Variants in ZNFX1 observed in about 807,000 individuals in gnomAD.
The protein encoded by ZNFX1 is NFX1-type zinc finger-containing protein 1.
ZNFX1 carries 78 observed loss-of-function variants against 179.8 expected under a neutral mutation model. The ratio of observed to expected loss-of-function variants is 0.43; its 90% CI spans 0.36 to 0.52. The LOEUF (loss-of-function observed/expected upper bound fraction) is 0.52. Ranked by LOEUF, ZNFX1 falls within the 20% of genes least tolerant of loss-of-function variation. The probability of loss-of-function intolerance (pLI) is 0.00; values close to 1 mark genes in which losing one functional copy is unlikely to be tolerated. For missense variants in ZNFX1, 1,927 were observed against 2,386.6 expected, an observed-to-expected ratio of 0.81 and a Z score of 4.01; for synonymous variants, 848 against 868.5, an observed-to-expected ratio of 0.98 and a Z score of 0.42.
chr20:49,258,642 C>T (rs942971361), intron 7 of ZNFX1, among the ~76,000 whole-genome samples: 1 of 150,948 alleles, frequency 6.6e-6, no homozygotes, highest in African/African-American at 2.4e-5. Flanking sequence ...TCTGTCTTTA[C>T]TAAAAATACA....
intron 3 of ZNFX1, among the ~76,000 whole-genome samples, chr20:49,267,644 A>T (rs563000472): frequency 6.6e-6 from 1 of 152,280 alleles, no homozygotes; most frequent in African/African-American, 2.4e-5. Flanking sequence ...AATAATAGTT[A>T]TGACCCCAGA....
rs755900138 is a variant in ZNFX1, at chr20:49,271,290, A to G, written c.522T>C (p.Leu174=). Residue 174 remains leucine (L), a synonymous_variant, in exon 3 of 14, where the codon CTT becomes CTC. Transcript: ENST00000396105. Reference sequence around the variant, plus strand: ...AGTTAGATTTCATGGAAGAATGAGAAAGGAGCTCTTTCAGCCCTAAACTTG... The same window carrying G: ...AGTTAGATTTCATGGAAGAATGAGAGAGGAGCTCTTTCAGCCCTAAACTTG... ...LATSLGLKEL[L]SHSSMKSNFL... is the part of the protein sequence containing the mutation. 1.9e-6 allele frequency: 3 copies of G among 1,614,194 alleles called. No homozygotes were observed. In the Admixed American group the frequency reaches 5.0e-5, roughly 27 times the overall value.
At chr20:49,251,884 C>T (rs1288985685) in intron 12 of ZNFX1, among the ~76,000 whole-genome samples, 1 of 148,740 alleles carries the variant, frequency 6.7e-6, no homozygotes, top group East Asian at 2.0e-4. Flanking sequence ...GGCTGGGGTG[C>T]AGTGGCGCAA....
intron 7 of ZNFX1, among the ~76,000 whole-genome samples, chr20:49,258,393 T>G (rs993884849): frequency 5.3e-5 from 8 of 152,124 alleles, no homozygotes; most frequent in East Asian, 1.9e-4. Context: ...CAGCCCTATG[T>G]GATTATTTTT....
Position 49,251,509 on chromosome 20 carries a change from C to A in ZNFX1, c.3312+18G>T. On this transcript the variant is annotated intron_variant, in intron 13 of 13. Transcript: ENST00000396105. ...GTTGCTGACACCATCCAAGAAAGAT[C>A]GGGTAAGACAGACTCACCTTAATCT... 1 of 1,599,482 alleles carries A rather than the reference C, an allele frequency of 6.3e-7. No individual in the cohort carries two copies. Among genetic ancestry groups the A allele is most frequent in the South Asian group, 1.1e-5 (1 of 89,736 alleles).
Position 49,271,768 on chromosome 20 carries a change from T to C in ZNFX1, c.62-18A>G, listed in dbSNP as rs372705515. 3.2e-5 allele frequency: 51 copies of C among 1,575,624 alleles called. No homozygotes were observed. The highest frequency in any genetic ancestry group is 2.0e-4 in the African/African-American group (15 of 73,296). On this transcript the variant is annotated intron_variant, in intron 2 of 13. Coordinates refer to ENST00000396105, the MANE Select transcript of ZNFX1 (RefSeq NM_021035.3). ...CACAGGGCCTAAACACAATGAAATA[T>C]TGAGTAACCACAAGAACCAAGTTCT...
At chr20:49,274,620 A>C (rs762431583) in intron 2 of ZNFX1, among the ~76,000 whole-genome samples, 1 of 152,100 alleles carries the variant, frequency 6.6e-6, no homozygotes, top group Admixed American at 6.5e-5. Flanking sequence ...TTAGCTGGGC[A>C]TGGTGGCAGG....
chr20:49,253,956 A>G, intron 10 of ZNFX1, 145 bp from the exon 11 acceptor site: 1 of 921,506 alleles, frequency 1.1e-6, no homozygotes. Flanking sequence ...GGTGGTCTCC[A>G]GAACATTAAA....
Position 49,270,939 on chromosome 20 carries a change from C to A in ZNFX1, c.873G>T (p.Thr291=), listed in dbSNP as rs150549436. ...TCTGTACCTTTTCCAGGTTCTTCTC[C>A]GTTTCCTCTTCTATGTCAACACCAG... ...RASGVDIEEE[T]EKNLEKVQTI... is the part of the protein sequence containing the mutation. Residue 291 remains threonine (T), a synonymous_variant, in exon 3 of 14, where the codon ACG becomes ACT. Coordinates refer to ENST00000396105, the MANE Select transcript of ZNFX1 (RefSeq NM_021035.3). This position sits in a 1 kb window ranked among gnomAD's most constrained non-coding sequence, Gnocchi z 4.6. 1 of 1,614,152 alleles carries A rather than the reference C, an allele frequency of 6.2e-7. No individual in the cohort carries two copies. Among genetic ancestry groups the A allele is most frequent in the Non-Finnish European group, 8.5e-7 (1 of 1,180,028 alleles).
chr20:49,257,726 G>T, intron 7 of ZNFX1, 62 bp from the exon 8 acceptor site: 1 of 1,503,550 alleles, frequency 6.7e-7, no homozygotes, highest in Non-Finnish European at 8.8e-7. Context: ...TTTTGATATG[G>T]AATCTCGCTC....
rs752270443 is a variant in ZNFX1 at position 49,260,451 on chromosome 20, T to C, written c.2416+12A>G. On this transcript the variant is annotated intron_variant, in intron 7 of 13. Coordinates refer to ENST00000396105, the MANE Select transcript of ZNFX1 (RefSeq NM_021035.3). ...GTTAAGATTTGATTCTAGGAAGACA[T>C]GCACTTCTTACCTGTATTCTCAGGT... 5 of 1,582,988 alleles carry C rather than the reference T, an allele frequency of 3.2e-6. No individual in the cohort carries two copies. The highest frequency in any genetic ancestry group is 2.7e-5 in the African/African-American group (2 of 74,232).
At position 49,253,656 on chromosome 20, in the gene ZNFX1, C is replaced by CT; in HGVS notation, c.3105+9dup. 1.9e-6 allele frequency: 3 copies of CT among 1,613,884 alleles called. No homozygotes were observed. Among genetic ancestry groups the CT allele is most frequent in the Non-Finnish European group, 2.5e-6 (3 of 1,179,974 alleles). ...AGCCAGCCCATCTTCTAGGGGGACT[C>CT]TCGTTTTACCTGCTGGTGGTCCCCA... is the stretch of plus-strand genomic sequence containing the variant. On this transcript the variant is annotated intron_variant, in intron 11 of 13. Transcript: ENST00000396105.
intron 2 of ZNFX1, among the ~76,000 whole-genome samples, chr20:49,274,224 C>T (rs111347195): frequency 2.6e-5 from 4 of 152,148 alleles, no homozygotes; most frequent in African/African-American, 9.6e-5. Flanking sequence ...TGAATTAAGA[C>T]GTGTAAAACA....
At position 49,270,678 on chromosome 20, in the gene ZNFX1, T is replaced by A. The variant is rs374475544; in HGVS notation, c.1134A>T (p.Glu378Asp). 1.2e-6 allele frequency: 2 copies of A among 1,614,202 alleles called. No individual in the cohort carries two copies. The highest frequency in any genetic ancestry group is 1.7e-6 in the Non-Finnish European group (2 of 1,180,038). Residue 378 changes from glutamate to aspartate, a missense_variant, in exon 3 of 14, where the codon GAA becomes GAT. Coordinates refer to ENST00000396105, the MANE Select transcript of ZNFX1 (RefSeq NM_021035.3). This position sits in a 1 kb window ranked among gnomAD's most constrained non-coding sequence, Gnocchi z 4.6. Reference protein sequence around the residue: ...YLDTHFRLLREDFVRPLREGI... With the variant: ...YLDTHFRLLRDDFVRPLREGI... ...CTTCCCGTAAAGGTCTGACGAAATC[T>A]TCTCGCAGGAGCCGGAAGTGGGTAT...
At chr20:49,257,702 C>A (rs1380357030) in intron 7 of ZNFX1, 38 bp from the exon 8 acceptor site, 1 of 1,380,814 alleles carries the variant, frequency 7.2e-7, no homozygotes, top group Non-Finnish European at 9.5e-7. Flanking sequence ...GATGAAAACT[C>A]TTTTTTTTTT....
intron 3 of ZNFX1, among the ~76,000 whole-genome samples, chr20:49,269,052 C>T (rs1049645344): frequency 6.6e-6 from 1 of 152,212 alleles, no homozygotes; most frequent in African/African-American, 2.4e-5. Flanking sequence ...AAGACACATG[C>T]ATATGCATGT....
At chr20:49,259,109 C>CAAAAAA (rs1380256614) in intron 7 of ZNFX1, among the ~76,000 whole-genome samples, 1 of 92,056 alleles carries the variant, frequency 1.1e-5, no homozygotes, top group Non-Finnish European at 2.6e-5. Flanking sequence ...GACTCAGTCT[C>CAAAAAA]AAAAAAAAAT....
chr20:49,270,922 T>TTTTCCAGGTTCTTCTCCG lies in ZNFX1; in HGVS notation c.872_889dup (p.Thr291_Glu296dup). 6.2e-7 allele frequency: 1 copy of TTTTCCAGGTTCTTCTCCG among 1,614,156 alleles called. No homozygotes were observed. The highest frequency in any genetic ancestry group is 8.5e-7 in the Non-Finnish European group (1 of 1,180,026). On this transcript the variant is annotated inframe_insertion, in exon 3 of 14. Transcript: ENST00000396105. The surrounding 1 kb of genome is among the most constrained non-coding windows in gnomAD (Gnocchi z 4.6). ...CAGATGTTCAATGATAGTCTGTACC[T>TTTTCCAGGTTCTTCTCCG]TTTCCAGGTTCTTCTCCGTTTCCTC...
intron 3 of ZNFX1, among the ~76,000 whole-genome samples, chr20:49,267,359 T>C (rs1981261379): frequency 6.6e-6 from 1 of 152,042 alleles, no homozygotes; most frequent in African/African-American, 2.4e-5. Flanking sequence ...CAGACTGGAG[T>C]GCAGGGGCTA....
Sources: allele counts gnomAD v4.1 joint callset (sites outside exome capture counted in the v4.1 genomes callset), GRCh38; gene constraint gnomAD v4.1.1; non-coding constraint Gnocchi (gnomAD v3.1); transcripts MANE v1.5; gene names NCBI Gene and HGNC (gene_info 2026-07-23, HGNC 2026-07-21).